The following DTNA variants were observed in gnomAD, a reference collection of about 807,000 sequenced individuals.
DTNA encodes dystrobrevin alpha, also known as dystrophin-related protein 3.
Under a neutral mutation model 100.7 loss-of-function variants are expected in DTNA, and 43 were observed. The ratio of observed to expected loss-of-function variants is 0.43; its 90% CI spans 0.33 to 0.55. The LOEUF (loss-of-function observed/expected upper bound fraction) is 0.55. Ranked by LOEUF, DTNA falls within the 20% of genes least tolerant of loss-of-function variation. The pLI is 0.04. For missense variants in DTNA, 798 were observed against 953.9 expected, an observed-to-expected ratio of 0.84 and a Z score of 2.15; for synonymous variants, 349 against 347.9, an observed-to-expected ratio of 1.00 and a Z score of -0.04.
intron 1 of DTNA, among the ~76,000 whole-genome samples, chr18:34,520,478 C>A (rs566115840): frequency 1.3e-5 from 2 of 152,010 alleles, no homozygotes; most frequent in Non-Finnish European, 2.9e-5. Flanking sequence ...ATGGTGAAAC[C>A]CTGTCTCTAC....
At chr18:34,815,541 T>C (rs1023834638) in intron 6 of DTNA, 1 of 237,244 alleles carries the variant, frequency 4.2e-6, no homozygotes, top group South Asian at 5.4e-5. Context: ...AGGAAAATTG[T>C]AGAGTGAGCT....
At chr18:34,581,626 T>TTC (rs1392776444) in intron 1 of DTNA, among the ~76,000 whole-genome samples, 1 of 144,398 alleles carries the variant, frequency 6.9e-6, no homozygotes, top group Non-Finnish European at 1.5e-5. Flanking sequence ...AGTTAGTTTT[T>TTC]TTTTTTTTTT....
At chr18:34,847,576 T>C (rs1190110572) in intron 13 of DTNA, among the ~76,000 whole-genome samples, 1 of 152,212 alleles carries the variant, frequency 6.6e-6, no homozygotes, top group African/African-American at 2.4e-5. Context: ...TGTGATCTCA[T>C]CTGAAGGCTC....
At chr18:34,829,855 A>AT (rs1422148494) in intron 11 of DTNA, among the ~76,000 whole-genome samples, 2 of 152,218 alleles carry the variant, frequency 1.3e-5, no homozygotes, top group Non-Finnish European at 2.9e-5. Context: ...GATCTTTAGC[A>AT]TTAACTAGGT....
At chr18:34,714,147 A>G (rs1215617681) in intron 1 of DTNA, among the ~76,000 whole-genome samples, 1 of 152,168 alleles carries the variant, frequency 6.6e-6, no homozygotes, top group Non-Finnish European at 1.5e-5. Flanking sequence ...AAACCTAGGC[A>G]TTGCCATTCA....
At chr18:34,876,793 T>C (rs959498810) in intron 18 of DTNA, among the ~76,000 whole-genome samples, 1 of 152,182 alleles carries the variant, frequency 6.6e-6, no homozygotes, top group Non-Finnish European at 1.5e-5. Context: ...ACTCAAGAGT[T>C]TTTAAAAATG....
At chr18:34,858,177 C>A in intron 15 of DTNA, 108 bp from the exon 16 acceptor site, 1 of 1,020,602 alleles carries the variant, frequency 9.8e-7, no homozygotes. Flanking sequence ...TGCTCCTAAA[C>A]ATAGGATGAT....
intron 15 of DTNA, among the ~76,000 whole-genome samples, 196 bp downstream of exon 15, chr18:34,852,124 G>A (rs139970090): frequency 1.1e-4 from 17 of 152,280 alleles, no homozygotes; most frequent in African/African-American, 3.6e-4. Flanking sequence ...AGAAAACGGC[G>A]TGTGCATGTA....
intron 1 of DTNA, among the ~76,000 whole-genome samples, chr18:34,726,669 C>T (rs1369421143): frequency 1.3e-5 from 2 of 152,228 alleles, no homozygotes; most frequent in Non-Finnish European, 2.9e-5. Flanking sequence ...AAGGGATGGA[C>T]TCCCAACACT....
At chr18:34,574,699 A>G (rs1438408938) in intron 1 of DTNA, among the ~76,000 whole-genome samples, 2 of 152,166 alleles carry the variant, frequency 1.3e-5, no homozygotes, top group Non-Finnish European at 2.9e-5. Context: ...TGATGTGATC[A>G]TAGCTCAAGG....
At chr18:34,800,624 T>C (rs72963009) in intron 4 of DTNA, among the ~76,000 whole-genome samples, 18,871 of 152,164 alleles carry the variant, frequency 0.12, 1,271 homozygotes, top group African/African-American at 0.17. Context: ...AATGTTTTTG[T>C]GAAATATGTT....
intron 19 of DTNA, 129 bp downstream of exon 19, chr18:34,877,937 T>C: frequency 2.1e-6 from 2 of 932,402 alleles, no homozygotes; most frequent in Non-Finnish European, 3.3e-6. Flanking sequence ...TGATATTTTG[T>C]TGGTCTATTC....
intron 16 of DTNA, among the ~76,000 whole-genome samples, chr18:34,858,633 CAG>C (rs1364386175): frequency 6.6e-6 from 1 of 152,214 alleles, no homozygotes; most frequent in Non-Finnish European, 1.5e-5. Context: ...GTTTTTGAGA[CAG>C]AGTTTCACTC....
intron 1 of DTNA, chr18:34,513,961 A>T (rs781541671): frequency 1.3e-5 from 2 of 152,138 alleles, no homozygotes; most frequent in African/African-American, 2.4e-5. Context: ...CTATGCAGGT[A>T]ACGACTCTGA....
intron 3 of DTNA, among the ~76,000 whole-genome samples, chr18:34,780,323 C>T (rs182616241): frequency 6.6e-6 from 1 of 152,226 alleles, no homozygotes; most frequent in East Asian, 1.9e-4. Context: ...TCTAACTTCC[C>T]AATATTATCC....
At chr18:34,505,493 T>A (rs1473001987) in intron 1 of DTNA, among the ~76,000 whole-genome samples, 1 of 152,186 alleles carries the variant, frequency 6.6e-6, no homozygotes, top group African/African-American at 2.4e-5. Context: ...CACACACAGG[T>A]TTCTGAGGCT....
At chr18:34,818,382 G>C (rs1188875614) in intron 8 of DTNA, 52 bp downstream of exon 8, 1 of 1,596,996 alleles carries the variant, frequency 6.3e-7, no homozygotes, top group East Asian at 2.3e-5. Flanking sequence ...GTGTTGCCCA[G>C]AGTTAAAGGG....
chr18:34,659,239 A>G (rs930880585), intron 1 of DTNA, among the ~76,000 whole-genome samples: 3 of 152,240 alleles, frequency 2.0e-5, no homozygotes, highest in Admixed American at 2.0e-4. Context: ...AGGAAAAAGA[A>G]ACAGGTGAAA....
intron 1 of DTNA, among the ~76,000 whole-genome samples, chr18:34,715,762 A>T (rs545390867): frequency 5.0e-4 from 76 of 152,298 alleles, no homozygotes; most frequent in Admixed American, 1.7e-3. Context: ...ATACAAAATT[A>T]AAAAGATAAA....
Sources: allele counts gnomAD v4.1 joint callset (sites outside exome capture counted in the v4.1 genomes callset), GRCh38; gene constraint gnomAD v4.1.1; transcripts MANE v1.5; gene names NCBI Gene and HGNC (gene_info 2026-07-23, HGNC 2026-07-21).